The following SHQ1 variants were observed in gnomAD, a reference collection of about 807,000 sequenced individuals.
The protein encoded by SHQ1 is protein SHQ1 homolog.
A neutral mutation model predicts 53.8 loss-of-function variants in SHQ1; 49 were observed. That is an observed-to-expected ratio of 0.91 (90% CI 0.72 to 1.16). The LOEUF (loss-of-function observed/expected upper bound fraction) is 1.16. SHQ1 is among the 50% of genes most tolerant of loss of function. The probability of loss-of-function intolerance (pLI) is 0.00; values close to 1 mark genes in which losing one functional copy is unlikely to be tolerated. For synonymous variants in SHQ1, 243 were observed against 251.0 expected, an observed-to-expected ratio of 0.97 and a Z score of 0.30; for missense variants, 738 against 683.1, an observed-to-expected ratio of 1.08 and a Z score of -0.90.
chr3:72,765,711 A>G (rs1705713960), intron 10 of SHQ1, among the ~76,000 whole-genome samples: 1 of 151,124 alleles, frequency 6.6e-6, no homozygotes, highest in Non-Finnish European at 1.5e-5. Flanking sequence ...GTGCCACTAC[A>G]CCCAGCTAAT....
At chr3:72,728,283 T>C in the SHQ1 span, among the ~76,000 whole-genome samples, 1 of 152,192 alleles carries the variant, frequency 6.6e-6, no homozygotes, top group South Asian at 2.1e-4. Flanking sequence ...TGATGGGGCT[T>C]CAGGGGTGCA....
chr3:72,800,413 G>T (rs1322645155), intron 9 of SHQ1, among the ~76,000 whole-genome samples: 1 of 152,156 alleles, frequency 6.6e-6, no homozygotes, highest in African/African-American at 2.4e-5. Context: ...TTTCTTCCTT[G>T]TTTCATAAAT....
chr3:72,802,562 G>T (rs1706821349), intron 9 of SHQ1, among the ~76,000 whole-genome samples: 1 of 152,042 alleles, frequency 6.6e-6, no homozygotes, highest in African/African-American at 2.4e-5. Context: ...CAGACAGATG[G>T]GAATTTGCCC....
intron 10 of SHQ1, among the ~76,000 whole-genome samples, chr3:72,754,938 A>G (rs1479795494): frequency 6.6e-6 from 1 of 152,186 alleles, no homozygotes; most frequent in Non-Finnish European, 1.5e-5. Flanking sequence ...TCTCAAGTTG[A>G]TATTATTTGG....
rs1708423127 is a variant in SHQ1, at chr3:72,848,330, G to A, written c.11C>T (p.Pro4Leu). The A allele has an allele frequency of 1.2e-6, 2 of 1,614,036 alleles. No homozygotes were observed. Among genetic ancestry groups the A allele is most frequent in the Non-Finnish European group, 8.5e-7 (1 of 1,179,974 alleles). ...CGGATCCTGGCTGAGGTCGAACGCC[G>A]GGGTCAGCATCGCCGCACCGGACGC... is the stretch of plus-strand genomic sequence containing the variant. MLT[P>L]AFDLSQDPDF... The change falls in exon 1 of 11, where the codon CCG becomes CTG. Residue 4 changes from proline (P) to leucine (L), a missense_variant. Pro to Leu is a moderately conservative substitution (Grantham distance 98). Transcript: ENST00000325599.
intron 10 of SHQ1, among the ~76,000 whole-genome samples, chr3:72,778,405 T>C (rs1364639913): frequency 6.6e-6 from 1 of 151,742 alleles, no homozygotes; most frequent in East Asian, 1.9e-4. Flanking sequence ...CCTATGATCA[T>C]ATCACTGCAC....
chr3:72,764,762 T>C (rs1022593530), intron 10 of SHQ1, among the ~76,000 whole-genome samples: 3 of 152,158 alleles, frequency 2.0e-5, no homozygotes, highest in Non-Finnish European at 4.4e-5. Flanking sequence ...AGGTAATACA[T>C]ATGCACCATG....
intron 4 of SHQ1, among the ~76,000 whole-genome samples, chr3:72,835,767 C>A (rs914147854): frequency 6.6e-6 from 1 of 152,180 alleles, no homozygotes; most frequent in Non-Finnish European, 1.5e-5. Flanking sequence ...CAATTCCAAT[C>A]CTGAGCCTTT....
At chr3:72,748,463 G>C (rs1235140681), downstream of SHQ1, among the ~76,000 whole-genome samples, 2 of 151,820 alleles carry the variant, frequency 1.3e-5, no homozygotes, top group Non-Finnish European at 2.9e-5. Context: ...GACCGAGGTG[G>C]ACAGATTGCT....
At chr3:72,797,591 T>C (rs1170809005) in intron 9 of SHQ1, among the ~76,000 whole-genome samples, 2 of 152,234 alleles carry the variant, frequency 1.3e-5, no homozygotes, top group Non-Finnish European at 2.9e-5. Context: ...ATATTTAGAT[T>C]AATATTTAAA....
chr3:72,726,858 G>A, the SHQ1 span, among the ~76,000 whole-genome samples: 2 of 152,156 alleles, frequency 1.3e-5, no homozygotes, highest in African/African-American at 2.4e-5. Flanking sequence ...TAGATCATTG[G>A]TGCCAAATGA....
At chr3:72,829,312 C>T (rs900157626) in intron 5 of SHQ1, among the ~76,000 whole-genome samples, 3 of 152,148 alleles carry the variant, frequency 2.0e-5, no homozygotes, top group Admixed American at 6.5e-5. Context: ...CACTTGATTA[C>T]AATAAAACCC....
chr3:72,746,065 A>G (rs184859260), downstream of SHQ1, among the ~76,000 whole-genome samples: 4 of 152,130 alleles, frequency 2.6e-5, no homozygotes, highest in East Asian at 7.7e-4. Context: ...CTGGTCTCGA[A>G]CTCCTGACCT....
intron 10 of SHQ1, chr3:72,772,757 GA>G: frequency 2.7e-6 from 2 of 751,918 alleles, no homozygotes; most frequent in Non-Finnish European, 5.0e-6. Context: ...GATCTTCATG[GA>G]ATCCCTATAA....
chr3:72,769,899 T>G (rs2106736422), intron 10 of SHQ1, among the ~76,000 whole-genome samples: 1 of 152,318 alleles, frequency 6.6e-6, no homozygotes, highest in South Asian at 2.1e-4. Context: ...CACACAGCTC[T>G]GGGTTAACTT....
rs976873177 is a variant in SHQ1, at chr3:72,791,214, T to G, written c.1181+1702A>C. ...AAAGAAAAACCAAAACCCACACAAATAGACTATCCCCATTTAATTTTATTA... is the reference window on the plus strand; with the variant it reads ...AAAGAAAAACCAAAACCCACACAAAGAGACTATCCCCATTTAATTTTATTA... On this transcript the variant is annotated intron_variant, in intron 10 of 10. Coordinates refer to ENST00000325599, the MANE Select transcript of SHQ1 (RefSeq NM_018130.3). 2.6e-5 allele frequency among the ~76,000 whole-genome samples: 4 copies of G among 152,194 alleles called. No homozygotes were observed. The South Asian group carries it at 6.2e-4, about 24-fold the overall frequency.
At chr3:72,772,892 C>A in intron 10 of SHQ1, 1 of 789,284 alleles carries the variant, frequency 1.3e-6, no homozygotes. Context: ...GAATTGGAAG[C>A]ACAGGCTGTT....
the SHQ1 span, among the ~76,000 whole-genome samples, chr3:72,742,623 T>TTTC: frequency 8.2e-4 from 120 of 146,844 alleles, no homozygotes; most frequent in Non-Finnish European, 1.6e-3. Context: ...TTTTTTCTTT[T>TTTC]TTTTTTTTTT....
chr3:72,773,277 G>C (rs528847082), intron 10 of SHQ1: 2 of 646,722 alleles, frequency 3.1e-6, no homozygotes, highest in African/African-American at 1.8e-5. Context: ...AAAGAGAAAG[G>C]GACAAGAAAG....
Sources: gnomAD v4.1 joint callset for allele counts (sites outside exome capture counted in the v4.1 genomes callset) on GRCh38, gnomAD v4.1.1 for gene constraint, MANE v1.5 for transcripts, NCBI Gene and HGNC (gene_info 2026-07-23, HGNC 2026-07-21) for gene names.